Variants in LRRTM4 observed in about 807,000 individuals in gnomAD.
LRRTM4 encodes the protein leucine rich repeat transmembrane neuronal 4, also known as leucine-rich repeat transmembrane neuronal protein 4.
LRRTM4 carries 25 observed loss-of-function variants against 47.6 expected under a neutral mutation model. The ratio of observed to expected loss-of-function variants is 0.53; its 90% CI spans 0.38 to 0.73. The LOEUF (loss-of-function observed/expected upper bound fraction) is 0.73. LRRTM4 is among the 30% of genes least tolerant of loss of function. The pLI is 0.00. For missense variants in LRRTM4, 638 were observed against 713.4 expected, an observed-to-expected ratio of 0.89 and a Z score of 1.20; for synonymous variants, 311 against 269.5, an observed-to-expected ratio of 1.15 and a Z score of -1.51.
chr2:77,263,644 T>C (rs562540978), intron 3 of LRRTM4, among the ~76,000 whole-genome samples: 1 of 152,160 alleles, frequency 6.6e-6, no homozygotes, highest in Admixed American at 6.6e-5. Flanking sequence ...GTTAAGAGTA[T>C]TGTGGAAGAA....
chr2:77,298,604 G>A (rs1000215357), intron 3 of LRRTM4, among the ~76,000 whole-genome samples: 5 of 152,156 alleles, frequency 3.3e-5, no homozygotes, highest in Non-Finnish European at 5.9e-5. Context: ...CCCATGAACA[G>A]ATGTCTAAAA....
chr2:77,200,078 G>C (rs577747564), intron 3 of LRRTM4, among the ~76,000 whole-genome samples: 53 of 151,918 alleles, frequency 3.5e-4, no homozygotes, highest in Admixed American at 9.2e-4. Context: ...TATAAAAATA[G>C]AATCATACAT....
chr2:76,899,765 A>G (rs1022364762), intron 3 of LRRTM4, among the ~76,000 whole-genome samples: 1 of 152,228 alleles, frequency 6.6e-6, no homozygotes, highest in African/African-American at 2.4e-5. Flanking sequence ...AGGCAAAAAC[A>G]GGTGAAATAT....
chr2:77,079,772 ACTG>A (rs1680470556), intron 3 of LRRTM4, among the ~76,000 whole-genome samples: 1 of 152,228 alleles, frequency 6.6e-6, no homozygotes, highest in Admixed American at 6.5e-5. Flanking sequence ...TAAATAGGTA[ACTG>A]CTATTTATTA....
At chr2:76,994,197 C>A (rs1164294281) in intron 3 of LRRTM4, among the ~76,000 whole-genome samples, 2 of 151,726 alleles carry the variant, frequency 1.3e-5, no homozygotes, top group Admixed American at 1.3e-4. Flanking sequence ...TTAGTTGTAT[C>A]CCAAACGTCA....
chr2:76,888,170 A>T (rs1178235633), intron 3 of LRRTM4, among the ~76,000 whole-genome samples: 3 of 151,036 alleles, frequency 2.0e-5, no homozygotes, highest in African/African-American at 7.3e-5. Context: ...GGTGGATATG[A>T]TTTTAAAGAA....
chr2:77,389,946 C>G (rs1023313429), intron 3 of LRRTM4, among the ~76,000 whole-genome samples: 5 of 152,040 alleles, frequency 3.3e-5, no homozygotes, highest in African/African-American at 1.2e-4. Context: ...CACATCAGTG[C>G]TACCCTTAAA....
chr2:76,811,195 C>G (rs1358468338), intron 3 of LRRTM4, among the ~76,000 whole-genome samples: 1 of 152,160 alleles, frequency 6.6e-6, no homozygotes. Flanking sequence ...AAGGTTATTA[C>G]TAACATGCTT....
At chr2:77,090,645 C>T (rs62170959) in intron 3 of LRRTM4, among the ~76,000 whole-genome samples, 17,251 of 152,190 alleles carry the variant, frequency 0.11, 1,214 homozygotes, top group East Asian at 0.16. Context: ...CCCCCAGGAG[C>T]TTGCTACAAG....
At chr2:76,965,846 GA>G (rs1676006946) in intron 3 of LRRTM4, among the ~76,000 whole-genome samples, 2 of 151,422 alleles carry the variant, frequency 1.3e-5, no homozygotes, top group Admixed American at 1.3e-4. Context: ...CTATGCAAAT[GA>G]AAGTACTAAT....
chr2:77,041,453 C>A (rs74669814), intron 3 of LRRTM4, among the ~76,000 whole-genome samples: 8,625 of 151,484 alleles, frequency 0.057, 534 homozygotes, highest in African/African-American at 0.14. Context: ...ACAGCCAGAT[C>A]ATACAGTAGT....
Position 77,150,495 on chromosome 2 carries a change from T to C in LRRTM4, c.1551+367823A>G, listed in dbSNP as rs1051799310. 5.3e-5 allele frequency among the ~76,000 whole-genome samples: 8 copies of C among 152,308 alleles called. No homozygotes were observed. The East Asian group carries it at 1.5e-3, about 29-fold the overall frequency. On this transcript the variant is annotated intron_variant, in intron 3 of 3. Coordinates refer to ENST00000409884, the MANE Select transcript of LRRTM4 (RefSeq NM_001134745.3). ...GACACCGATTGACTGACTACATTTA[T>C]GAGAAAGGTCCAGAAGCCCTCATTC... is the stretch of plus-strand genomic sequence containing the variant.
At chr2:76,797,769 A>C (rs1219417501) in intron 3 of LRRTM4, among the ~76,000 whole-genome samples, 1 of 150,658 alleles carries the variant, frequency 6.6e-6, no homozygotes, top group Non-Finnish European at 1.5e-5. Flanking sequence ...GGATGGGGGA[A>C]GATCTACCAA....
rs543266436 is a variant in LRRTM4, at chr2:77,327,562, T to C, written c.1551+190756A>G. Among the ~76,000 whole-genome samples, 410 of 152,320 alleles carry C rather than the reference T, an allele frequency of 2.7e-3. 1 individual carries two copies. Among genetic ancestry groups the C allele is most frequent in the Non-Finnish European group, 4.8e-3 (326 of 68,036 alleles). On this transcript the variant is annotated intron_variant, in intron 3 of 3. Coordinates refer to ENST00000409884, the MANE Select transcript of LRRTM4 (RefSeq NM_001134745.3). ...GGAAATAAAAGAACAAAAGGTTATA[T>C]GTTGTACAGGTAGGAATGAAAAGGA...
intron 3 of LRRTM4, among the ~76,000 whole-genome samples, chr2:77,359,835 C>T (rs1672113758): frequency 6.6e-6 from 1 of 152,132 alleles, no homozygotes; most frequent in Non-Finnish European, 1.5e-5. Flanking sequence ...GTGCCTGGTA[C>T]ACAGTATTTG....
At chr2:76,939,515 C>G (rs1302691696) in intron 3 of LRRTM4, among the ~76,000 whole-genome samples, 2 of 151,716 alleles carry the variant, frequency 1.3e-5, no homozygotes, top group Non-Finnish European at 2.9e-5. Context: ...TTGGAAAGCT[C>G]CCGTGCAGTG....
intron 3 of LRRTM4, among the ~76,000 whole-genome samples, chr2:77,148,825 AAAG>A (rs1174804567): frequency 5.9e-5 from 9 of 152,290 alleles, no homozygotes; most frequent in Admixed American, 3.9e-4. Flanking sequence ...GTTAGGAAGT[AAAG>A]AAGAAGAACC....
chr2:77,260,903 T>C (rs1675902893), intron 3 of LRRTM4, among the ~76,000 whole-genome samples: 1 of 152,136 alleles, frequency 6.6e-6, no homozygotes, highest in South Asian at 2.1e-4. Flanking sequence ...AGATGAACCA[T>C]AGGATAACTT....
At position 77,226,538 on chromosome 2, in the gene LRRTM4, CATATAT is replaced by C. The variant is rs60188707; in HGVS notation, c.1551+291774_1551+291779del. Among the ~76,000 whole-genome samples the C allele has an allele frequency of 8.8e-3, 1,270 of 144,000 alleles. 7 individuals are homozygous for C. Among genetic ancestry groups the C allele is most frequent in the Middle Eastern group, 0.019 (5 of 266 alleles). The allele number at this position is 144,000 out of a possible 152,430, so 94.5% of individuals were successfully genotyped here. On this transcript the variant is annotated intron_variant, in intron 3 of 3. Coordinates refer to ENST00000409884, the MANE Select transcript of LRRTM4 (RefSeq NM_001134745.3). ...TGCTTATTACAGAGCAAATTATATA[CATATAT>C]ATATATATATATATATATATATACT...
Sources: allele counts gnomAD v4.1 joint callset (sites outside exome capture counted in the v4.1 genomes callset), GRCh38; gene constraint gnomAD v4.1.1; transcripts MANE v1.5; gene names NCBI Gene and HGNC (gene_info 2026-07-23, HGNC 2026-07-21).